Variants in SH3GL2 observed in about 807,000 individuals in gnomAD.
SH3GL2 encodes SH3 domain containing GRB2 like 2, endophilin A1, also known as endophilin-A1.
A neutral mutation model predicts 46.0 loss-of-function variants in SH3GL2; 24 were observed. The ratio of observed to expected loss-of-function variants is 0.52; its 90% CI spans 0.38 to 0.73. The LOEUF (loss-of-function observed/expected upper bound fraction) is 0.73, where lower values mean the gene tolerates loss of function less well. Among genes scored for constraint, SH3GL2 ranks in the 30% least tolerant of loss-of-function variants. SH3GL2 has a pLI of 0.00. For synonymous variants in SH3GL2, 196 were observed against 147.1 expected, an observed-to-expected ratio of 1.33 and a Z score of -2.40; for missense variants, 413 against 424.2, an observed-to-expected ratio of 0.97 and a Z score of 0.23.
chr9:17,594,274 A>G (rs1023571978), intron 1 of SH3GL2, among the ~76,000 whole-genome samples: 3 of 152,122 alleles, frequency 2.0e-5, no homozygotes, highest in African/African-American at 4.8e-5. Flanking sequence ...CAATTATGCC[A>G]TACGTTTCTT....
intron 1 of SH3GL2, among the ~76,000 whole-genome samples, chr9:17,619,464 G>A (rs1373948362): frequency 6.6e-6 from 1 of 152,086 alleles, no homozygotes; most frequent in East Asian, 1.9e-4. Flanking sequence ...GATTACCTGA[G>A]GTCAGGAGTT....
chr9:17,702,509 A>G (rs1455540253), intron 1 of SH3GL2, among the ~76,000 whole-genome samples: 1 of 152,100 alleles, frequency 6.6e-6, no homozygotes, highest in African/African-American at 2.4e-5. Context: ...AAGGAGCAAA[A>G]CATAGTGAAC....
intron 5 of SH3GL2, 108 bp downstream of exon 5, chr9:17,787,621 C>G (rs1823998944): frequency 1.2e-6 from 1 of 827,730 alleles, no homozygotes; most frequent in South Asian, 1.7e-5. Context: ...GTTGTCAGCT[C>G]TGGGCACGTT....
rs193060150 is a variant in SH3GL2 at position 17,761,100 on chromosome 9, C to G, written c.115-337C>G. ...AGGGCAGCAAAATCTGCCTCCATGC[C>G]TGACCCACTGTAGGCATCCAATAAA... is the stretch of plus-strand genomic sequence containing the variant. On this transcript the variant is annotated intron_variant, in intron 2 of 8. Coordinates refer to ENST00000380607, the MANE Select transcript of SH3GL2 (RefSeq NM_003026.5). Among the ~76,000 whole-genome samples the G allele has an allele frequency of 4.6e-5, 7 of 152,320 alleles. No individual in the cohort carries two copies. The East Asian group carries it at 1.3e-3, about 29-fold the overall frequency.
At chr9:17,787,258 CTT>C (rs1823986604) in intron 4 of SH3GL2, 120 bp from the exon 5 acceptor site, 1 of 754,372 alleles carries the variant, frequency 1.3e-6, no homozygotes, top group African/African-American at 1.8e-5. Flanking sequence ...CCTATTCTCT[CTT>C]GTCTGTTGTC....
chr9:17,652,793 A>G (rs1195404174), intron 1 of SH3GL2, among the ~76,000 whole-genome samples: 1 of 152,172 alleles, frequency 6.6e-6, no homozygotes, highest in Non-Finnish European at 1.5e-5. Flanking sequence ...GCTATGGGAA[A>G]CATACTGAAT....
chr9:17,771,522 C>G (rs1292178706), intron 3 of SH3GL2, among the ~76,000 whole-genome samples: 1 of 152,196 alleles, frequency 6.6e-6, no homozygotes, highest in Non-Finnish European at 1.5e-5. Context: ...CCACCACCCT[C>G]TATTTGCTCT....
At position 17,622,966 on chromosome 9, in the gene SH3GL2, TTTTCCTTTCG is replaced by T. The variant is rs796159653; in HGVS notation, c.45+43699_45+43708del. On this transcript the variant is annotated intron_variant, in intron 1 of 8. Coordinates refer to ENST00000380607, the MANE Select transcript of SH3GL2 (RefSeq NM_003026.5). ...CTTCTTCCTTCCCTTCCTCCCTCCC[TTTTCCTTTCG>T]TTTCCTTTCGTTTCCTTTCCTTTCC... Among the ~76,000 whole-genome samples the T allele has an allele frequency of 2.8e-3, 242 of 87,188 alleles. 11 individuals are homozygous for T. Among genetic ancestry groups the T allele is most frequent in the African/African-American group, 7.0e-3 (181 of 25,740 alleles). The allele number at this position is 87,188 out of a possible 152,430, so 57.2% of individuals were successfully genotyped here. A position where few individuals can be genotyped will look rare whatever the true frequency, so the allele number is the denominator to read the frequency against.
chr9:17,677,272 C>T (rs1365187509), intron 1 of SH3GL2, among the ~76,000 whole-genome samples: 1 of 152,154 alleles, frequency 6.6e-6, no homozygotes, highest in Non-Finnish European at 1.5e-5. Context: ...TTCACATTCA[C>T]TGTATAATCT....
intron 5 of SH3GL2, among the ~76,000 whole-genome samples, chr9:17,788,224 A>T (rs112678713): frequency 2.0e-5 from 3 of 152,240 alleles, no homozygotes; most frequent in African/African-American, 7.2e-5. Context: ...CTTTAGCAGT[A>T]CCATTTGCTC....
At chr9:17,758,963 A>G (rs1053470266) in intron 2 of SH3GL2, among the ~76,000 whole-genome samples, 15 of 152,280 alleles carry the variant, frequency 9.9e-5, no homozygotes, top group African/African-American at 3.4e-4. Context: ...TAATAATCTA[A>G]TATTGGTATC....
At chr9:17,783,432 C>G (rs1039943636) in intron 3 of SH3GL2, among the ~76,000 whole-genome samples, 2 of 151,348 alleles carry the variant, frequency 1.3e-5, no homozygotes, top group African/African-American at 2.4e-5. Context: ...CTCACATGGA[C>G]ACTGCTTTTA....
intron 1 of SH3GL2, among the ~76,000 whole-genome samples, chr9:17,740,499 T>A (rs1223628316): frequency 1.3e-5 from 2 of 152,126 alleles, no homozygotes; most frequent in African/African-American, 2.4e-5. Flanking sequence ...TTGTATTTTT[T>A]AAATGTTTTG....
At chr9:17,702,459 A>G (rs1469928182) in intron 1 of SH3GL2, among the ~76,000 whole-genome samples, 3 of 151,936 alleles carry the variant, frequency 2.0e-5, no homozygotes, top group Non-Finnish European at 4.4e-5. Context: ...AAAAACACCC[A>G]TGAGCTGGGT....
intron 1 of SH3GL2, among the ~76,000 whole-genome samples, chr9:17,658,103 C>T (rs1385120446): frequency 6.6e-6 from 1 of 152,150 alleles, no homozygotes; most frequent in African/African-American, 2.4e-5. Context: ...TTTGGAAATG[C>T]CTCTTTCTGG....
At position 17,673,066 on chromosome 9, in the gene SH3GL2, G is replaced by T. The variant is rs538508668; in HGVS notation, c.46-74000G>T. 6.6e-5 allele frequency among the ~76,000 whole-genome samples: 10 copies of T among 152,126 alleles called. No homozygotes were observed. The East Asian group carries it at 1.9e-3, about 30-fold the overall frequency. ...CCCTTACACGTGGCTGTTTGCCATG[G>T]TCTGTCAATTCTGCTTCAATAGTCC... On this transcript the variant is annotated intron_variant, in intron 1 of 8. Coordinates refer to ENST00000380607, the MANE Select transcript of SH3GL2 (RefSeq NM_003026.5).
rs557239610 is a variant in SH3GL2 at position 17,780,344 on chromosome 9, C to G, written c.188-6037C>G. On this transcript the variant is annotated intron_variant, in intron 3 of 8. Transcript: ENST00000380607. ...TATTTTGTTCATCTTTCTATTTGTCCTACTTCTTTCATTCTCATTGCTCTG... is the reference window on the plus strand; with the variant it reads ...TATTTTGTTCATCTTTCTATTTGTCGTACTTCTTTCATTCTCATTGCTCTG... Among the ~76,000 whole-genome samples, 6 of 151,978 alleles carry G rather than the reference C, an allele frequency of 3.9e-5. 1 individual carries two copies. The highest frequency in any genetic ancestry group is 1.4e-4 in the African/African-American group (6 of 41,472).
chr9:17,616,774 AT>A (rs34059333), intron 1 of SH3GL2, among the ~76,000 whole-genome samples: 1 of 152,064 alleles, frequency 6.6e-6, no homozygotes, highest in Non-Finnish European at 1.5e-5. Flanking sequence ...GGTTTAGTAG[AT>A]TTTTGCATCT....
At chr9:17,665,897 G>T (rs1431625126) in intron 1 of SH3GL2, among the ~76,000 whole-genome samples, 1 of 147,234 alleles carries the variant, frequency 6.8e-6, no homozygotes, top group African/African-American at 2.5e-5. Context: ...CTAGTTGTCC[G>T]TCTATCCATG....
Sources: gnomAD v4.1 joint callset for allele counts (sites outside exome capture counted in the v4.1 genomes callset) on GRCh38, gnomAD v4.1.1 for gene constraint, MANE v1.5 for transcripts, NCBI Gene and HGNC (gene_info 2026-07-23, HGNC 2026-07-21) for gene names.